HCN1: variants seen among roughly 807,000 people sequenced by gnomAD.
The protein encoded by HCN1 is potassium/sodium hyperpolarization-activated cyclic nucleotide-gated channel 1.
HCN1 carries 13 observed loss-of-function variants against 78.9 expected under a neutral mutation model. That is an observed-to-expected ratio of 0.16 (90% CI 0.11 to 0.26). The LOEUF is 0.26. HCN1 is among the 10% of genes least tolerant of loss of function. The pLI is 1.00. For missense variants in HCN1, 810 were observed against 1,154.3 expected (o/e 0.70, Z 4.32); for synonymous variants, 552 against 455.5 (o/e 1.21, Z -2.70).
chr5:45,431,626 G>A (rs764763008), intron 3 of HCN1, among the ~76,000 whole-genome samples: 5 of 152,064 alleles, frequency 3.3e-5, no homozygotes, highest in African/African-American at 4.8e-5. Flanking sequence ...TATAGGGAAC[G>A]GATCCAGTTT....
At chr5:45,376,286 G>GGA (rs1156860914) in intron 4 of HCN1, among the ~76,000 whole-genome samples, 14 of 6,992 alleles carry the variant, frequency 2.0e-3, no homozygotes, top group South Asian at 0.013. Context: ...AGAATATATA[G>GGA]ATATATATTG....
chr5:45,494,369 C>G (rs1224961725), intron 2 of HCN1, among the ~76,000 whole-genome samples: 2 of 152,180 alleles, frequency 1.3e-5, no homozygotes, highest in Non-Finnish European at 2.9e-5. Context: ...GAGCATTTTT[C>G]ATGTGTTTTT....
chr5:45,394,235 TC>T (rs1739640714), intron 4 of HCN1, among the ~76,000 whole-genome samples: 1 of 152,228 alleles, frequency 6.6e-6, no homozygotes, highest in Non-Finnish European at 1.5e-5. Context: ...AGATACACTC[TC>T]CTCATTGGTT....
intron 5 of HCN1, among the ~76,000 whole-genome samples, chr5:45,331,665 A>G (rs966734325): frequency 5.3e-5 from 8 of 151,428 alleles, no homozygotes; most frequent in African/African-American, 9.7e-5. Flanking sequence ...TTATATGCCT[A>G]TGTATCTCAA....
At chr5:45,604,329 A>G (rs991829272) in intron 2 of HCN1, among the ~76,000 whole-genome samples, 2 of 151,944 alleles carry the variant, frequency 1.3e-5, no homozygotes, top group African/African-American at 2.4e-5. Context: ...CCAAGATTAC[A>G]GCAAAAGCAG....
At chr5:45,373,350 T>A (rs1330529671) in intron 4 of HCN1, among the ~76,000 whole-genome samples, 1 of 119,368 alleles carries the variant, frequency 8.4e-6, no homozygotes, top group Non-Finnish European at 1.6e-5. Flanking sequence ...ATATAAAATA[T>A]ATATTTATAA....
At position 45,322,095 on chromosome 5, in the gene HCN1, C is replaced by T. The variant is rs546744767; in HGVS notation, c.1378-18256G>A. ...CATCCTGGTTAATATGAACTTATTT[C>T]CTCTAATAATTCCGTGACATAGTCA... On this transcript the variant is annotated intron_variant, in intron 5 of 7. Transcript: ENST00000303230. 5.3e-5 allele frequency among the ~76,000 whole-genome samples: 8 copies of T among 151,932 alleles called. No homozygotes were observed. The East Asian group carries it at 1.6e-3, about 30-fold the overall frequency.
rs541898240 is a variant in HCN1, at chr5:45,369,972, T to G, written c.1231-16726A>C. On this transcript the variant is annotated intron_variant, in intron 4 of 7. Transcript: ENST00000303230. The stretch of plus-strand genomic sequence containing the variant: ...AAAATAGCAGGAACAAAATATACTG[T>G]GCTATAAGACCTGATGTATGACTGG... 1.2e-4 allele frequency among the ~76,000 whole-genome samples: 18 copies of G among 151,992 alleles called. 1 individual carries two copies. The highest frequency in any genetic ancestry group is 4.3e-4 in the African/African-American group (18 of 41,512).
intron 2 of HCN1, among the ~76,000 whole-genome samples, chr5:45,563,219 G>C (rs1456485731): frequency 6.6e-6 from 1 of 152,140 alleles, no homozygotes; most frequent in African/African-American, 2.4e-5. Context: ...GGAGGCCGAG[G>C]TGGGTGGATC....
intron 3 of HCN1, among the ~76,000 whole-genome samples, chr5:45,459,892 A>T (rs1020902111): frequency 6.6e-6 from 1 of 152,090 alleles, no homozygotes; most frequent in African/African-American, 2.4e-5. Flanking sequence ...AAATACAATT[A>T]TTACTATTTT....
intron 1 of HCN1, among the ~76,000 whole-genome samples, chr5:45,682,122 G>A (rs1739712234): frequency 6.6e-6 from 1 of 151,884 alleles, no homozygotes; most frequent in South Asian, 2.1e-4. Flanking sequence ...ACACCAGATA[G>A]CAAATCAACC....
intron 4 of HCN1, among the ~76,000 whole-genome samples, chr5:45,383,522 C>G (rs1009816098): frequency 6.6e-6 from 1 of 152,032 alleles, no homozygotes; most frequent in Non-Finnish European, 1.5e-5. Context: ...TGTTGAAATC[C>G]CATCTCTACT....
In HCN1 at chr5:45,448,002, T is replaced by G. The variant is rs972625865; in HGVS notation, c.1011+13844A>C. Among the ~76,000 whole-genome samples the G allele has an allele frequency of 2.6e-5, 4 of 151,868 alleles. No homozygotes were observed. The South Asian group carries it at 8.3e-4, about 31-fold the overall frequency. ...GAACATTTTTTGATTCACTGCTATA[T>G]GTTTTTTATAAATTACAAAGATATT... On this transcript the variant is annotated intron_variant, in intron 3 of 7. Transcript: ENST00000303230.
chr5:45,673,024 T>C (rs1050222505), intron 1 of HCN1, among the ~76,000 whole-genome samples: 1 of 151,564 alleles, frequency 6.6e-6, no homozygotes, highest in African/African-American at 2.4e-5. Context: ...TGTTCCAGCA[T>C]GCTGTCCAGG....
intron 4 of HCN1, among the ~76,000 whole-genome samples, chr5:45,372,585 A>T (rs1747427596): frequency 7.7e-6 from 1 of 129,682 alleles, no homozygotes; most frequent in Admixed American, 8.6e-5. Flanking sequence ...TATATAAAAC[A>T]TTTACATATA....
chr5:45,441,913 G>A (rs904166727), intron 3 of HCN1, among the ~76,000 whole-genome samples: 12 of 152,102 alleles, frequency 7.9e-5, no homozygotes, highest in African/African-American at 2.9e-4. Context: ...CAAGGTTAAT[G>A]TATGCTGTTT....
chr5:45,562,548 A>T (rs1360833790), intron 2 of HCN1, among the ~76,000 whole-genome samples: 1 of 152,112 alleles, frequency 6.6e-6, no homozygotes, highest in Non-Finnish European at 1.5e-5. Context: ...GGTAAATTTT[A>T]TACACAAATA....
chr5:45,674,871 G>A (rs1308915357), intron 1 of HCN1, among the ~76,000 whole-genome samples: 1 of 151,604 alleles, frequency 6.6e-6, no homozygotes, highest in Admixed American at 6.6e-5. Context: ...AAGGAAACCA[G>A]GAGTTCTAGG....
intron 3 of HCN1, among the ~76,000 whole-genome samples, chr5:45,409,049 AT>A (rs1178293142): frequency 6.6e-6 from 1 of 152,076 alleles, no homozygotes. Flanking sequence ...AAGGCATTAG[AT>A]TTTATTTCTA....
Sources: allele counts gnomAD v4.1 joint callset (sites outside exome capture counted in the v4.1 genomes callset), GRCh38; gene constraint gnomAD v4.1.1; transcripts MANE v1.5; gene names NCBI Gene and HGNC (gene_info 2026-07-23, HGNC 2026-07-21).